Variants in ARMH3 observed in about 807,000 individuals in gnomAD.
ARMH3 encodes the protein armadillo-like helical domain-containing protein 3.
Under a neutral mutation model 99.1 loss-of-function variants are expected in ARMH3, and 60 were observed. The observed-to-expected ratio is 0.61, with a 90% CI of 0.49 to 0.75. ARMH3 has a LOEUF of 0.75. Among genes scored for constraint, ARMH3 ranks in the 30% least tolerant of loss-of-function variants. The pLI, the probability that ARMH3 is intolerant of heterozygous loss-of-function variation, is 0.00. For synonymous variants in ARMH3, 285 were observed against 292.8 expected (o/e 0.97, Z 0.27); for missense variants, 679 against 843.1 (o/e 0.81, Z 2.41).
chr10:101,979,492 G>C (rs1325711184), intron 19 of ARMH3, among the ~76,000 whole-genome samples: 2 of 148,836 alleles, frequency 1.3e-5, no homozygotes, highest in African/African-American at 4.9e-5. Context: ...GGAGAGGACA[G>C]AGGAAGAAAT....
chr10:102,001,855 A>G, intron 15 of ARMH3, 116 bp downstream of exon 15: 4 of 903,248 alleles, frequency 4.4e-6, no homozygotes, highest in Non-Finnish European at 6.9e-6. Flanking sequence ...AAGACCATGT[A>G]CACAAGGCCC....
chr10:102,009,945 C>T (rs756747809), intron 12 of ARMH3, 32 bp downstream of exon 12: 1 of 1,604,816 alleles, frequency 6.2e-7, no homozygotes, highest in Non-Finnish European at 8.5e-7. Context: ...CACTAAAGTC[C>T]AAGTCACTGC....
intron 15 of ARMH3, among the ~76,000 whole-genome samples, chr10:102,001,584 C>T (rs1437713364): frequency 6.6e-6 from 1 of 152,184 alleles, no homozygotes; most frequent in East Asian, 1.9e-4. Context: ...GTACGACAGT[C>T]CTCTAATTCT....
intron 23 of ARMH3, among the ~76,000 whole-genome samples, chr10:101,894,178 T>C (rs1018189827): frequency 2.6e-5 from 4 of 152,164 alleles, no homozygotes; most frequent in South Asian, 2.1e-4. Flanking sequence ...TTTGGGACTG[T>C]TATCTGCAAA....
intron 20 of ARMH3, 43 bp from the exon 21 acceptor site, chr10:101,957,775 A>C (rs1283314748): frequency 6.6e-7 from 1 of 1,523,984 alleles, no homozygotes; most frequent in Non-Finnish European, 8.7e-7. Flanking sequence ...TATTCAAACC[A>C]TGATTAATAA....
chr10:101,937,458 G>A (rs1844033351), intron 23 of ARMH3, among the ~76,000 whole-genome samples: 2 of 151,684 alleles, frequency 1.3e-5, no homozygotes, highest in African/African-American at 4.8e-5. Context: ...AGCGGAGGCT[G>A]CAGTGAGCAG....
intron 8 of ARMH3, 23 bp from the exon 9 acceptor site, chr10:102,014,047 C>A: frequency 6.3e-7 from 1 of 1,584,576 alleles, no homozygotes; most frequent in South Asian, 1.1e-5. Flanking sequence ...AGAAGAGACT[C>A]CAGGTAAGTC....
chr10:102,047,360 C>T (rs571515561), intron 1 of ARMH3, among the ~76,000 whole-genome samples: 1 of 152,100 alleles, frequency 6.6e-6, no homozygotes, highest in African/African-American at 2.4e-5. Context: ...AGAGTCTGTA[C>T]AATCCTCAGC....
At chr10:101,982,213 T>C (rs1049893193) in intron 19 of ARMH3, among the ~76,000 whole-genome samples, 15 of 150,394 alleles carry the variant, frequency 1.0e-4, no homozygotes, top group African/African-American at 3.7e-4. Context: ...AAATGCCATC[T>C]CTACCAAAAA....
At chr10:101,911,437 T>C (rs1842860674) in intron 23 of ARMH3, among the ~76,000 whole-genome samples, 1 of 151,856 alleles carries the variant, frequency 6.6e-6, no homozygotes, top group Admixed American at 6.6e-5. Flanking sequence ...ACTACCAGAG[T>C]CTTGTCAAAA....
intron 1 of ARMH3, among the ~76,000 whole-genome samples, chr10:102,044,396 G>A (rs1281779290): frequency 7.0e-6 from 1 of 143,798 alleles, no homozygotes; most frequent in Admixed American, 7.1e-5. Context: ...TTTTGAGACA[G>A]AGTCTGGCTC....
At chr10:102,015,095 A>G (rs1188904125) in intron 8 of ARMH3, among the ~76,000 whole-genome samples, 2 of 152,210 alleles carry the variant, frequency 1.3e-5, no homozygotes, top group Non-Finnish European at 2.9e-5. Context: ...CCAAATGTTT[A>G]TAAGGTTTAA....
At chr10:101,978,225 G>A (rs1292513655) in intron 19 of ARMH3, among the ~76,000 whole-genome samples, 3 of 150,964 alleles carry the variant, frequency 2.0e-5, no homozygotes, top group Non-Finnish European at 4.4e-5. Flanking sequence ...TTTGATGCCA[G>A]GAGAAGAGCA....
chr10:101,891,266 G>C (rs2067684683), intron 23 of ARMH3, among the ~76,000 whole-genome samples: 1 of 151,668 alleles, frequency 6.6e-6, no homozygotes, highest in Non-Finnish European at 1.5e-5. Flanking sequence ...TGCGATCTCA[G>C]CTCCCTGCAA....
chr10:101,967,254 T>C (rs1845579850), intron 20 of ARMH3, among the ~76,000 whole-genome samples: 1 of 152,142 alleles, frequency 6.6e-6, no homozygotes, highest in Admixed American at 6.5e-5. Context: ...AAGGACACGA[T>C]GAAAATAGCA....
chr10:101,847,272 C>CGT lies in ARMH3; in HGVS notation c.*255_*256insAC. ...GAAATGTGAGGGGCTGTTTAGGGAG[C>CGT]CCACTCTGGAAGTCCCCACATTCCT... On this transcript the variant is annotated 3_prime_UTR_variant, in exon 26 of 26. Coordinates refer to ENST00000370033, the MANE Select transcript of ARMH3 (RefSeq NM_024541.3). 2.3e-6 allele frequency: 1 copy of CGT among 434,798 alleles called. No individual in the cohort carries two copies. The highest frequency in any genetic ancestry group is 4.2e-6 in the Non-Finnish European group (1 of 236,516). 26.9% of individuals were successfully genotyped at this position (434,798 alleles called of 1,614,324 possible).
rs531583121 is a variant in ARMH3 at position 102,001,158 on chromosome 10, A to G, written c.1150+813T>C. Reference sequence around the variant, plus strand: ...CAAAAATATGGAAGTAGGTAATGCAACTAAATAGTACATTTAAATATGGTT... The same window carrying G: ...CAAAAATATGGAAGTAGGTAATGCAGCTAAATAGTACATTTAAATATGGTT... On this transcript the variant is annotated intron_variant, in intron 15 of 25. Transcript: ENST00000370033. 2.0e-5 allele frequency among the ~76,000 whole-genome samples: 3 copies of G among 152,296 alleles called. No individual in the cohort carries two copies. The East Asian group carries it at 5.8e-4, about 29-fold the overall frequency.
At chr10:101,913,489 C>G (rs1208160274) in intron 23 of ARMH3, among the ~76,000 whole-genome samples, 1 of 151,516 alleles carries the variant, frequency 6.6e-6, no homozygotes, top group East Asian at 1.9e-4. Context: ...TCTCAGCATC[C>G]CAAGTAACTG....
chr10:101,975,066 A>AG, intron 20 of ARMH3, 146 bp downstream of exon 20: 1 of 409,610 alleles, frequency 2.4e-6, no homozygotes, highest in Non-Finnish European at 4.3e-6. Context: ...AAAAAAAAAA[A>AG]AAAAAAAAGA....
Sources: allele counts gnomAD v4.1 joint callset (sites outside exome capture counted in the v4.1 genomes callset), GRCh38; gene constraint gnomAD v4.1.1; transcripts MANE v1.5; gene names NCBI Gene and HGNC (gene_info 2026-07-23, HGNC 2026-07-21).